STK26: variants seen among roughly 807,000 people sequenced by gnomAD.
The protein encoded by STK26 is serine/threonine-protein kinase 26.
A neutral mutation model predicts 34.7 loss-of-function variants in STK26; 14 were observed. That is an observed-to-expected ratio of 0.40 (90% CI 0.27 to 0.63). The LOEUF (loss-of-function observed/expected upper bound fraction) is 0.63. Among genes scored for constraint, STK26 ranks in the 30% least tolerant of loss-of-function variants. STK26 has a pLI of 0.38. For missense variants in STK26, 226 were observed against 309.1 expected (o/e 0.73, Z 2.02); for synonymous variants, 100 against 109.8 (o/e 0.91, Z 0.56).
intron 2 of STK26, among the ~76,000 whole-genome samples, chrX:132,028,751 G>C (rs1442855241): frequency 9.0e-6 from 1 of 111,163 alleles, no homozygotes; most frequent in East Asian, 2.8e-4. Context: ...TCAAGTTAGA[G>C]AGAGAGTTAA....
rs768780772 is a variant in STK26, at chrX:132,027,512, A to T, written c.42+3853A>T. Among the ~76,000 whole-genome samples, 13 of 111,925 alleles carry T rather than the reference A, an allele frequency of 1.2e-4. No individual in the cohort carries two copies. The South Asian group carries it at 4.8e-3, about 41-fold the overall frequency. On this transcript the variant is annotated intron_variant, in intron 2 of 11. Coordinates refer to ENST00000394334, the MANE Select transcript of STK26 (RefSeq NM_016542.4). ...AACCACATTTTAAGTCAAGGAGCAT[A>T]TGTATACAATATAGATAAGGAAAGG...
chrX:132,028,574 G>C (rs1925699816), intron 2 of STK26, among the ~76,000 whole-genome samples: 1 of 111,901 alleles, frequency 8.9e-6, no homozygotes, highest in Admixed American at 9.5e-5. Context: ...AAGGACTAGA[G>C]ACATCAAGGA....
intron 11 of STK26, 127 bp downstream of exon 11, chrX:132,073,220 G>C (rs1462970710): frequency 1.4e-6 from 1 of 693,272 alleles, no homozygotes; most frequent in Non-Finnish European, 2.1e-6. Flanking sequence ...TCAATACATA[G>C]TTGTATACTT....
intron 2 of STK26, among the ~76,000 whole-genome samples, chrX:132,032,809 G>A (rs1925890211): frequency 9.0e-6 from 1 of 111,319 alleles, no homozygotes; most frequent in Middle Eastern, 4.6e-3. Flanking sequence ...CACACTAGAT[G>A]TGTTAGGAAA....
intron 2 of STK26, among the ~76,000 whole-genome samples, chrX:132,042,121 T>G (rs910042109): frequency 9.0e-5 from 10 of 111,248 alleles, no homozygotes; most frequent in Admixed American, 1.9e-4. Flanking sequence ...AGATAGGGAT[T>G]AACATATTTA....
At chrX:132,063,130 A>G (rs754967845) in intron 3 of STK26, among the ~76,000 whole-genome samples, 1 of 111,174 alleles carries the variant, frequency 9.0e-6, no homozygotes, top group South Asian at 3.8e-4. Context: ...GTATAATTAA[A>G]TTATTATTGA....
chrX:132,051,796 C>G (rs1020245691), intron 2 of STK26, among the ~76,000 whole-genome samples: 12 of 109,524 alleles, frequency 1.1e-4, no homozygotes, highest in African/African-American at 4.0e-4. Context: ...CTCCCTGTTT[C>G]CATGTGTTCT....
At chrX:132,049,173 T>C (rs982994402) in intron 2 of STK26, among the ~76,000 whole-genome samples, 1 of 111,264 alleles carries the variant, frequency 9.0e-6, no homozygotes, top group African/African-American at 3.3e-5. Flanking sequence ...TTAGTAGAGA[T>C]AGGGTTTCAC....
chrX:132,031,689 G>A (rs1025591641), intron 2 of STK26, among the ~76,000 whole-genome samples: 1 of 111,840 alleles, frequency 8.9e-6, no homozygotes, highest in Non-Finnish European at 1.9e-5. Context: ...TTCTTTATCC[G>A]TTCTTAACCC....
intron 3 of STK26, among the ~76,000 whole-genome samples, chrX:132,055,771 A>C (rs1158045479): frequency 3.6e-5 from 4 of 112,219 alleles, no homozygotes; most frequent in African/African-American, 1.3e-4. Context: ...TCTATAGGCC[A>C]AAAAGAGCGT....
intron 2 of STK26, among the ~76,000 whole-genome samples, chrX:132,045,918 A>G (rs1285147390): frequency 8.9e-6 from 1 of 112,498 alleles, no homozygotes; most frequent in Non-Finnish European, 1.9e-5. Flanking sequence ...TCTACTTTTA[A>G]TTAAAATAAC....
rs1927403105 is a variant in STK26, at chrX:132,071,191, T to C, written c.906T>C (p.Asp302=). Residue 302 remains aspartate (D), a synonymous_variant, in exon 8 of 12, where the codon GAT becomes GAC. Coordinates refer to ENST00000394334, the MANE Select transcript of STK26 (RefSeq NM_016542.4). ...GGAAGGCAGAAGGACACAGTGATGA[T>C]GAATCTGATTCCGAGGGCTCTGATT... ...KRWKAEGHSD[D]ESDSEGSDSE... is the part of the protein sequence containing the mutation. The C allele has an allele frequency of 8.3e-7, 1 of 1,209,325 alleles. No homozygotes were observed. The highest frequency in any genetic ancestry group is 1.1e-6 in the Non-Finnish European group (1 of 894,706).
At chrX:132,049,046 A>G (rs1469811149) in intron 2 of STK26, among the ~76,000 whole-genome samples, 2 of 111,956 alleles carry the variant, frequency 1.8e-5, no homozygotes, top group African/African-American at 6.5e-5. Context: ...TGGTGTGATC[A>G]TGGCTCACTG....
At chrX:132,046,506 TAAG>T (rs2124158139) in intron 2 of STK26, among the ~76,000 whole-genome samples, 1 of 111,979 alleles carries the variant, frequency 8.9e-6, no homozygotes, top group African/African-American at 3.2e-5. Context: ...CATTTAAAAA[TAAG>T]AATAATAAAA....
intron 7 of STK26, 117 bp downstream of exon 7, chrX:132,069,780 C>T: frequency 4.8e-6 from 2 of 420,288 alleles, no homozygotes; most frequent in Non-Finnish European, 3.5e-6. Flanking sequence ...TAAGATCCAT[C>T]CAGGAACCTG....
chrX:132,026,114 C>G (rs1403833222), intron 2 of STK26, among the ~76,000 whole-genome samples: 1 of 111,972 alleles, frequency 8.9e-6, no homozygotes, highest in Non-Finnish European at 1.9e-5. Flanking sequence ...AAGAAAATTA[C>G]TTTATCCACA....
At chrX:132,068,361 A>C (rs752146565) in intron 5 of STK26, 38 bp downstream of exon 5, 1 of 1,196,210 alleles carries the variant, frequency 8.4e-7, no homozygotes, top group Non-Finnish European at 1.1e-6. Flanking sequence ...GAAAAATAGA[A>C]GCATTCTGAG....
chrX:132,037,769 C>CTTTTTTTTTTTTTTTTTTTTTTTTTTTTT (rs755403402), intron 2 of STK26, among the ~76,000 whole-genome samples: 3 of 51,860 alleles, frequency 5.8e-5, no homozygotes, highest in Admixed American at 2.1e-4. Context: ...CGGAGAGCTG[C>CTTTTTTTTTTTTTTTTTTTTTTTTTTTTT]TTTTTTTTTT....
chrX:132,063,394 T>C (rs1476607943), intron 3 of STK26, 39 bp from the exon 4 acceptor site: 3 of 1,144,533 alleles, frequency 2.6e-6, no homozygotes, highest in East Asian at 3.0e-5. Context: ...TTATTTTGGC[T>C]CAGGTTTGTA....
Sources: allele counts gnomAD v4.1 joint callset (sites outside exome capture counted in the v4.1 genomes callset), GRCh38; gene constraint gnomAD v4.1.1; transcripts MANE v1.5; gene names NCBI Gene and HGNC (gene_info 2026-07-23, HGNC 2026-07-21).